STPG2: variants seen among roughly 807,000 people sequenced by gnomAD.
The protein encoded by STPG2 is sperm tail PG-rich repeat containing 2.
A neutral mutation model predicts 54.2 loss-of-function variants in STPG2; 56 were observed. The ratio of observed to expected loss-of-function variants is 1.03; its 90% CI spans 0.83 to 1.29. The LOEUF (loss-of-function observed/expected upper bound fraction) is 1.29, where lower values mean the gene tolerates loss of function less well. STPG2 is among the 50% of genes most tolerant of loss of function. STPG2 has a pLI of 0.00. For missense variants in STPG2, 596 were observed against 544.9 expected, an observed-to-expected ratio of 1.09 and a Z score of -0.93; for synonymous variants, 200 against 181.8, an observed-to-expected ratio of 1.10 and a Z score of -0.81.
intron 9 of STPG2, among the ~76,000 whole-genome samples, chr4:97,739,033 C>G (rs1428299683): frequency 6.6e-6 from 1 of 151,738 alleles, no homozygotes. Flanking sequence ...ACAGTGCAAT[C>G]AAACTAGAAC....
chr4:97,936,933 A>C (rs1235506263), intron 8 of STPG2, among the ~76,000 whole-genome samples: 2 of 152,130 alleles, frequency 1.3e-5, no homozygotes, highest in Non-Finnish European at 2.9e-5. Flanking sequence ...TGTCTTGCTA[A>C]GTTGGGGAAT....
chr4:97,890,091 C>A (rs565060312), intron 8 of STPG2, among the ~76,000 whole-genome samples: 1 of 152,152 alleles, frequency 6.6e-6, no homozygotes, highest in South Asian at 2.1e-4. Flanking sequence ...CTTTTTCTAG[C>A]TAACTTTTCT....
chr4:97,991,949 A>ATTGT (rs61547628), intron 5 of STPG2, among the ~76,000 whole-genome samples: 59,736 of 151,254 alleles, frequency 0.39, 11,903 homozygotes, highest in Middle Eastern at 0.46. Context: ...TTTTTATGAA[A>ATTGT]TTGTTTTCTT....
chr4:97,902,982 G>T (rs1214648419), intron 8 of STPG2, among the ~76,000 whole-genome samples: 1 of 152,006 alleles, frequency 6.6e-6, no homozygotes, highest in Non-Finnish European at 1.5e-5. Flanking sequence ...AAAAGAAAAA[G>T]TTTGCATGAT....
chr4:97,578,513 C>T (rs72889098), intron 10 of STPG2, among the ~76,000 whole-genome samples: 13,570 of 151,716 alleles, frequency 0.089, 1,767 homozygotes, highest in African/African-American at 0.29. Context: ...AGGTAGATAA[C>T]GTCAGAATTG....
At chr4:98,016,559 T>C (rs1335339820) in intron 5 of STPG2, among the ~76,000 whole-genome samples, 1 of 152,172 alleles carries the variant, frequency 6.6e-6, no homozygotes, top group Non-Finnish European at 1.5e-5. Flanking sequence ...CTCTGTGGAA[T>C]TTTTTAGTTC....
At chr4:97,561,392 T>C (rs1378659510) in intron 10 of STPG2, among the ~76,000 whole-genome samples, 1 of 152,240 alleles carries the variant, frequency 6.6e-6, no homozygotes, top group Non-Finnish European at 1.5e-5. Context: ...TCCCATTTTG[T>C]AGGCTGCCTG....
intron 8 of STPG2, among the ~76,000 whole-genome samples, chr4:97,896,822 A>T (rs1461456496): frequency 6.6e-6 from 1 of 151,872 alleles, no homozygotes; most frequent in Non-Finnish European, 1.5e-5. Context: ...TATTACAATG[A>T]AAGAAAAATT....
At chr4:97,918,944 G>C (rs973650613) in intron 8 of STPG2, among the ~76,000 whole-genome samples, 17 of 152,088 alleles carry the variant, frequency 1.1e-4, no homozygotes, top group African/African-American at 3.6e-4. Context: ...AACACCACCT[G>C]TTCCCCAAAA....
chr4:97,611,301 G>C (rs1334704349), intron 10 of STPG2, among the ~76,000 whole-genome samples: 1 of 151,368 alleles, frequency 6.6e-6, no homozygotes, highest in African/African-American at 2.4e-5. Flanking sequence ...TATGTGGAGA[G>C]ATCACAGATT....
chr4:97,781,624 A>C (rs1726617053), intron 9 of STPG2, among the ~76,000 whole-genome samples: 1 of 152,164 alleles, frequency 6.6e-6, no homozygotes, highest in Admixed American at 6.5e-5. Flanking sequence ...GAAAAGACAC[A>C]ACAAAAAAAG....
rs147306745 is a variant in STPG2 at position 98,027,105 on chromosome 4, T to A, written c.613-45787A>T. ...CGGCTCTTCCTTTGAAAATGGCCAA[T>A]GTTCCCAGGGGAAAGGCAATTCCAA... On this transcript the variant is annotated intron_variant, in intron 5 of 10. Coordinates refer to ENST00000295268, the MANE Select transcript of STPG2 (RefSeq NM_174952.3). Among the ~76,000 whole-genome samples the A allele has an allele frequency of 2.8e-4, 43 of 152,294 alleles. No homozygotes were observed. In the East Asian group the frequency reaches 7.5e-3, roughly 27 times the overall value.
At chr4:97,954,931 G>T (rs1578728356) in intron 7 of STPG2, among the ~76,000 whole-genome samples, 1 of 152,030 alleles carries the variant, frequency 6.6e-6, no homozygotes, top group Non-Finnish European at 1.5e-5. Context: ...TAGCAGACAA[G>T]AACTTTTTTA....
chr4:98,029,368 C>T (rs1225840357), intron 5 of STPG2, among the ~76,000 whole-genome samples: 1 of 152,116 alleles, frequency 6.6e-6, no homozygotes, highest in African/African-American at 2.4e-5. Flanking sequence ...TCTATACATG[C>T]ATATACCTTT....
At chr4:97,897,218 T>C (rs755239208) in intron 8 of STPG2, among the ~76,000 whole-genome samples, 2 of 152,116 alleles carry the variant, frequency 1.3e-5, no homozygotes, top group Non-Finnish European at 2.9e-5. Flanking sequence ...TCCATCCATG[T>C]TCCTACAAAG....
intron 8 of STPG2, among the ~76,000 whole-genome samples, chr4:97,924,795 G>A (rs1189316688): frequency 6.6e-6 from 1 of 152,096 alleles, no homozygotes; most frequent in South Asian, 2.1e-4. Flanking sequence ...GTTTGCATCA[G>A]GGACCTTAAA....
At chr4:97,778,200 G>A (rs928318353) in intron 9 of STPG2, among the ~76,000 whole-genome samples, 4 of 152,024 alleles carry the variant, frequency 2.6e-5, no homozygotes, top group Non-Finnish European at 4.4e-5. Flanking sequence ...CTGAAAAATC[G>A]GGTCAATCCC....
chr4:97,961,201 A>T (rs1394999811), intron 7 of STPG2, among the ~76,000 whole-genome samples: 1 of 152,248 alleles, frequency 6.6e-6, no homozygotes, highest in Non-Finnish European at 1.5e-5. Context: ...AATCAACTCA[A>T]GATGGGTCAA....
chr4:97,936,124 G>A (rs761161815), intron 8 of STPG2, among the ~76,000 whole-genome samples: 12 of 152,082 alleles, frequency 7.9e-5, no homozygotes, highest in East Asian at 3.8e-4. Context: ...TCCCTTTACC[G>A]TTATGTAATG....
Sources: allele counts gnomAD v4.1 joint callset (sites outside exome capture counted in the v4.1 genomes callset), GRCh38; gene constraint gnomAD v4.1.1; transcripts MANE v1.5; gene names NCBI Gene and HGNC (gene_info 2026-07-23, HGNC 2026-07-21).